The following WSCD2 variants were observed in gnomAD, a reference collection of about 807,000 sequenced individuals.
WSCD2 encodes the protein sialate:O-sulfotransferase 2.
A neutral mutation model predicts 55.7 loss-of-function variants in WSCD2; 28 were observed. The ratio of observed to expected loss-of-function variants is 0.50; its 90% CI spans 0.37 to 0.69. The LOEUF (loss-of-function observed/expected upper bound fraction) is 0.69. WSCD2 is among the 30% of genes least tolerant of loss of function. The pLI is 0.00. For missense variants in WSCD2, 616 were observed against 762.1 expected (o/e 0.81, Z 2.26); for synonymous variants, 301 against 301.9 (o/e 1.00, Z 0.03).
intron 2 of WSCD2, among the ~76,000 whole-genome samples, chr12:108,205,133 A>C (rs1368659120): frequency 6.6e-6 from 1 of 152,158 alleles, no homozygotes; most frequent in Non-Finnish European, 1.5e-5. Flanking sequence ...AGAGCATGAC[A>C]ATGTCAATGT....
At chr12:108,145,215 C>T (rs117482059) in intron 1 of WSCD2, among the ~76,000 whole-genome samples, 2,591 of 152,292 alleles carry the variant, frequency 0.017, 39 homozygotes, top group Middle Eastern at 0.065. Flanking sequence ...TCAACCCCCA[C>T]CCCTCTTCAC....
At chr12:108,148,810 A>G (rs374376304) in intron 1 of WSCD2, among the ~76,000 whole-genome samples, 23 of 152,294 alleles carry the variant, frequency 1.5e-4, no homozygotes, top group African/African-American at 5.1e-4. Flanking sequence ...ACTTCACTGA[A>G]GCCCCTGACA....
At chr12:108,227,310 C>A in intron 6 of WSCD2, 146 bp downstream of exon 6, 1 of 967,312 alleles carries the variant, frequency 1.0e-6, no homozygotes, top group Non-Finnish European at 1.5e-6. Context: ...CTCCACCAGG[C>A]TTAGAGTTCC....
At chr12:108,220,623 G>A (rs953612379) in intron 4 of WSCD2, among the ~76,000 whole-genome samples, 1 of 152,162 alleles carries the variant, frequency 6.6e-6, no homozygotes, top group African/African-American at 2.4e-5. Flanking sequence ...TCGACTGCCT[G>A]GGCTCAAGCA....
intron 4 of WSCD2, among the ~76,000 whole-genome samples, chr12:108,223,280 T>G (rs1010750195): frequency 4.6e-5 from 7 of 152,256 alleles, no homozygotes; most frequent in African/African-American, 1.7e-4. Flanking sequence ...TCACACCTAC[T>G]GTCCAGGGAC....
chr12:108,237,414 T>C (rs769626502), intron 7 of WSCD2, among the ~76,000 whole-genome samples: 32 of 152,244 alleles, frequency 2.1e-4, no homozygotes, highest in Non-Finnish European at 3.1e-4. Flanking sequence ...TCTTAAAAGA[T>C]AGGATTTAAA....
chr12:108,213,768 C>A (rs1230722941), intron 4 of WSCD2, among the ~76,000 whole-genome samples: 3 of 152,186 alleles, frequency 2.0e-5, no homozygotes, highest in Non-Finnish European at 2.9e-5. Context: ...AGGGACTGAC[C>A]ATGGGCTTGA....
At chr12:108,176,907 G>A (rs1000900708) in intron 1 of WSCD2, among the ~76,000 whole-genome samples, 13 of 152,108 alleles carry the variant, frequency 8.5e-5, no homozygotes, top group African/African-American at 1.9e-4. Context: ...ACGTGAAAGC[G>A]ATTAGAAGTG....
chr12:108,156,823 G>C (rs192942456), intron 1 of WSCD2, among the ~76,000 whole-genome samples: 79 of 152,322 alleles, frequency 5.2e-4, no homozygotes, highest in African/African-American at 1.8e-3. Context: ...ACCCCAACTA[G>C]CCATCCAGCA....
In WSCD2 at chr12:108,164,158, T is replaced by TTTTTTTTTTTTTTTTTTTTTTTTTG. The variant is rs1159854999; in HGVS notation, c.-551-31120_-551-31119insTTTTTTTTTTTTTTTTTTTTGTTTT. Reference sequence around the variant, plus strand: ...TAAATCCTTTTTTTTTTTTTTTTTTTTTTTCAGAGAGGGGGATGTTTGAAA... The same window carrying TTTTTTTTTTTTTTTTTTTTTTTTTG: ...TAAATCCTTTTTTTTTTTTTTTTTTTTTTTTTTTTTTTTTTTTTTTTTTTGTTTTCAGAGAGGGGGATGTTTGAAA... On this transcript the variant is annotated intron_variant, in intron 1 of 8. Coordinates refer to ENST00000547525, the MANE Select transcript of WSCD2 (RefSeq NM_014653.4). Among the ~76,000 whole-genome samples the TTTTTTTTTTTTTTTTTTTTTTTTTG allele has an allele frequency of 1.4e-5, 2 of 144,444 alleles. 1 individual carries two copies. Among genetic ancestry groups the TTTTTTTTTTTTTTTTTTTTTTTTTG allele is most frequent in the Non-Finnish European group, 3.0e-5 (2 of 65,828 alleles). The allele number at this position is 144,444 out of a possible 152,430, so 94.8% of individuals were successfully genotyped here.
intron 7 of WSCD2, among the ~76,000 whole-genome samples, chr12:108,236,941 T>G (rs181076628): frequency 6.6e-6 from 1 of 152,308 alleles, no homozygotes; most frequent in Admixed American, 6.5e-5. Flanking sequence ...GCCAGAGCCC[T>G]GACTTCTGAA....
At position 108,196,151 on chromosome 12, in the gene WSCD2, T is replaced by C; in HGVS notation, c.319T>C (p.Tyr107His). 2 of 1,614,098 alleles carry C rather than the reference T, an allele frequency of 1.2e-6. No homozygotes were observed. The highest frequency in any genetic ancestry group is 1.7e-6 in the Non-Finnish European group (2 of 1,180,016). ...GAATGAGAGAGCCAAGCTTGGCGACTACGGTGGAGCCTGGAGCCGAGCCCT... is the reference window on the plus strand; with the variant it reads ...GAATGAGAGAGCCAAGCTTGGCGACCACGGTGGAGCCTGGAGCCGAGCCCT... ...DGNERAKLGDYGGAWSRALKG... is the reference protein window; with the variant it reads ...DGNERAKLGDHGGAWSRALKG... Residue 107 changes from tyrosine to histidine, a missense_variant, in exon 2 of 9, where the codon TAC becomes CAC. Around this residue, in one of 3 missense-constraint regions of WSCD2, gnomAD observed 374 missense variants for 467.4 expected, o/e 0.80. Coordinates refer to ENST00000547525, the MANE Select transcript of WSCD2 (RefSeq NM_014653.4).
intron 1 of WSCD2, among the ~76,000 whole-genome samples, chr12:108,171,197 C>T (rs1880203913): frequency 6.6e-6 from 1 of 152,196 alleles, no homozygotes; most frequent in Non-Finnish European, 1.5e-5. Flanking sequence ...ACCTCTCTGA[C>T]ATGCAAACAT....
rs953635998 is a variant in WSCD2, at chr12:108,214,116, C to T, written c.682+3811C>T. 7.9e-5 allele frequency among the ~76,000 whole-genome samples: 12 copies of T among 152,278 alleles called. No homozygotes were observed. The South Asian group carries it at 1.5e-3, about 18-fold the overall frequency. On this transcript the variant is annotated intron_variant, in intron 4 of 8. Transcript: ENST00000547525. ...TATTACATCAGGCAAGAGAAATGAG[C>T]GAACACTCCAGCAAACAGCTATGGC...
chr12:108,182,374 T>C (rs570014113), intron 1 of WSCD2, among the ~76,000 whole-genome samples: 1 of 152,338 alleles, frequency 6.6e-6, no homozygotes, highest in South Asian at 2.1e-4. Flanking sequence ...AACTTTGACA[T>C]GGGAGATGAG....
chr12:108,190,092 A>G (rs187595932), intron 1 of WSCD2, among the ~76,000 whole-genome samples: 1 of 152,332 alleles, frequency 6.6e-6, no homozygotes, highest in African/African-American at 2.4e-5. Context: ...TCATCACTCT[A>G]TAGATGGGGA....
At chr12:108,166,621 G>C (rs567181305) in intron 1 of WSCD2, among the ~76,000 whole-genome samples, 1 of 152,198 alleles carries the variant, frequency 6.6e-6, no homozygotes, top group East Asian at 1.9e-4. Flanking sequence ...TTCTTACGGA[G>C]GTGATGATGT....
Position 108,210,041 on chromosome 12 carries a change from C to T in WSCD2, c.498-80C>T, listed in dbSNP as rs2137100592. ...TCCTGGTCCCCAGAGCCCTCCCATC[C>T]CCCAGGTCTCCATGTTGTGTCTCCC... On this transcript the variant is annotated intron_variant, in intron 3 of 8. Transcript: ENST00000547525. This position sits in a 1 kb window ranked among gnomAD's most constrained non-coding sequence, Gnocchi z 4.3. 3 of 1,583,550 alleles carry T rather than the reference C, an allele frequency of 1.9e-6. No homozygotes were observed. The South Asian group carries it at 3.4e-5, about 18-fold the overall frequency.
chr12:108,248,691 A>T lies in WSCD2; in HGVS notation c.*348A>T. The T allele has an allele frequency of 1.9e-6, 2 of 1,047,900 alleles. No homozygotes were observed. Among genetic ancestry groups the T allele is most frequent in the Non-Finnish European group, 2.3e-6 (2 of 867,456 alleles). The allele number at this position is 1,047,900 out of a possible 1,614,324, so 64.9% of individuals were successfully genotyped here. ...CATCCACATCATGGAGACTTGCTGG[A>T]TGCCCCATGGCAATTGTCAAGGCTC... On this transcript the variant is annotated 3_prime_UTR_variant, in exon 9 of 9. Coordinates refer to ENST00000547525, the MANE Select transcript of WSCD2 (RefSeq NM_014653.4). This position sits in a 1 kb window ranked among gnomAD's most constrained non-coding sequence, Gnocchi z 4.3.
Sources: gnomAD v4.1 joint callset for allele counts (sites outside exome capture counted in the v4.1 genomes callset) on GRCh38, gnomAD v4.1.1 for gene constraint, gnomAD v4.1.1 regional missense constraint, Gnocchi (gnomAD v3.1) non-coding constraint, MANE v1.5 for transcripts, NCBI Gene and HGNC (gene_info 2026-07-23, HGNC 2026-07-21) for gene names.